Variants in TANGO6 observed in about 807,000 individuals in gnomAD.
TANGO6 encodes the protein transport and golgi organization 6 homolog, also known as transport and Golgi organization protein 6 homolog.
TANGO6 carries 90 observed loss-of-function variants against 114.2 expected under a neutral mutation model. The observed-to-expected ratio is 0.79, with a 90% CI of 0.66 to 0.94. TANGO6 has a LOEUF of 0.94. Among genes scored for constraint, TANGO6 ranks in the 40% least tolerant of loss-of-function variants. The probability of loss-of-function intolerance (pLI) is 0.00; values close to 1 mark genes in which losing one functional copy is unlikely to be tolerated. For missense variants in TANGO6, 1,274 were observed against 1,315.3 expected (o/e 0.97, Z 0.49); for synonymous variants, 477 against 509.8 (o/e 0.94, Z 0.87).
chr16:69,031,448 C>A (rs1177271398), intron 16 of TANGO6, among the ~76,000 whole-genome samples: 1 of 151,996 alleles, frequency 6.6e-6, no homozygotes, highest in Non-Finnish European at 1.5e-5. Context: ...GACCTGTAAT[C>A]TCAACACTTT....
chr16:68,943,444 A>G (rs1963377332), intron 14 of TANGO6, among the ~76,000 whole-genome samples: 1 of 150,540 alleles, frequency 6.6e-6, no homozygotes, highest in African/African-American at 2.4e-5. Flanking sequence ...GCTCCCTGCA[A>G]GCTCCGCCTC....
intron 17 of TANGO6, among the ~76,000 whole-genome samples, chr16:69,056,830 C>T (rs1960038893): frequency 6.6e-6 from 1 of 151,868 alleles, no homozygotes; most frequent in South Asian, 2.1e-4. Context: ...CAGGCGCCTG[C>T]CACCACGCCC....
chr16:68,920,408 T>G (rs976116839), intron 12 of TANGO6, among the ~76,000 whole-genome samples: 3 of 152,146 alleles, frequency 2.0e-5, no homozygotes, highest in Non-Finnish European at 2.9e-5. Flanking sequence ...GATGGAAGGC[T>G]GGTGTTAGTG....
intron 7 of TANGO6, among the ~76,000 whole-genome samples, chr16:68,899,655 A>G (rs561590736): frequency 3.3e-5 from 5 of 152,154 alleles, no homozygotes; most frequent in Non-Finnish European, 5.9e-5. Context: ...GCTGGAGGGC[A>G]GTAGCATGAT....
intron 4 of TANGO6, among the ~76,000 whole-genome samples, chr16:68,868,754 C>A (rs1052602295): frequency 6.6e-6 from 1 of 152,048 alleles, no homozygotes; most frequent in African/African-American, 2.4e-5. Flanking sequence ...ACCTCGGCCT[C>A]CCAAAGTGCT....
At chr16:69,078,357 T>A (rs1960418868) in intron 17 of TANGO6, among the ~76,000 whole-genome samples, 1 of 152,180 alleles carries the variant, frequency 6.6e-6, no homozygotes, top group African/African-American at 2.4e-5. Flanking sequence ...CTTGCTCTCT[T>A]CTTATAGCAA....
intron 17 of TANGO6, among the ~76,000 whole-genome samples, chr16:69,078,560 C>A (rs1412657580): frequency 6.6e-6 from 1 of 152,142 alleles, no homozygotes; most frequent in Non-Finnish European, 1.5e-5. Context: ...TCTCTGCTCC[C>A]TGTGACCTTT....
intron 16 of TANGO6, among the ~76,000 whole-genome samples, chr16:69,028,856 C>CAAAAAAAAA (rs397761274): frequency 1.5e-5 from 1 of 65,562 alleles, no homozygotes; most frequent in Non-Finnish European, 3.4e-5. Context: ...CCCAGTTTAA[C>CAAAAAAAAA]AAAAAAAAAA....
At chr16:69,051,936 C>T (rs1959955105) in intron 17 of TANGO6, among the ~76,000 whole-genome samples, 1 of 148,924 alleles carries the variant, frequency 6.7e-6, no homozygotes, top group African/African-American at 2.5e-5. Context: ...TCTTTTCTTT[C>T]TTTCTTTTTC....
At position 68,967,328 on chromosome 16, in the gene TANGO6, G is replaced by T. The variant is rs57584676; in HGVS notation, c.2702-6700G>T. Among the ~76,000 whole-genome samples, 983 of 152,216 alleles carry T rather than the reference G, an allele frequency of 6.5e-3. 14 individuals are homozygous for T. Among genetic ancestry groups the T allele is most frequent in the African/African-American group, 0.023 (940 of 41,524 alleles). The stretch of plus-strand genomic sequence containing the variant: ...CCTTGCATGTGCAGTTCACAATAGG[G>T]TTCACACTCCTGGGAGTATCCGTTG... On this transcript the variant is annotated intron_variant, in intron 14 of 17. Coordinates refer to ENST00000261778, the MANE Select transcript of TANGO6 (RefSeq NM_024562.2).
intron 17 of TANGO6, among the ~76,000 whole-genome samples, chr16:69,083,095 C>CTTTTT (rs1201400628): frequency 8.3e-6 from 1 of 120,262 alleles, no homozygotes; most frequent in Non-Finnish European, 1.7e-5. Context: ...GCATTATCTT[C>CTTTTT]TTTTTTTTTT....
intron 1 of TANGO6, among the ~76,000 whole-genome samples, chr16:68,848,517 T>G (rs1251956658): frequency 7.3e-6 from 1 of 136,188 alleles, no homozygotes; most frequent in Non-Finnish European, 1.5e-5. Context: ...AATACATATT[T>G]ATTGTAAAAA....
At chr16:68,929,404 G>T (rs1350799818) in intron 13 of TANGO6, among the ~76,000 whole-genome samples, 1 of 151,916 alleles carries the variant, frequency 6.6e-6, no homozygotes, top group Non-Finnish European at 1.5e-5. Context: ...CCTAAATTAA[G>T]CTTCCCTTGC....
intron 15 of TANGO6, among the ~76,000 whole-genome samples, chr16:68,996,909 A>G (rs1310483409): frequency 6.6e-6 from 1 of 152,220 alleles, no homozygotes; most frequent in African/African-American, 2.4e-5. Context: ...TTAAAATTCA[A>G]AGATACACAG....
chr16:68,963,049 G>A (rs1339746207), intron 14 of TANGO6, among the ~76,000 whole-genome samples: 4 of 147,560 alleles, frequency 2.7e-5, no homozygotes, highest in Middle Eastern at 3.3e-3. Context: ...AGCCGAGATC[G>A]CGCCACTGTA....
At position 68,957,923 on chromosome 16, in the gene TANGO6, A is replaced by G. The variant is rs2152207910; in HGVS notation, c.2702-16105A>G. Among the ~76,000 whole-genome samples, 2 of 152,218 alleles carry G rather than the reference A, an allele frequency of 1.3e-5. 1 individual carries two copies. Among genetic ancestry groups the G allele is most frequent in the Non-Finnish European group, 2.9e-5 (2 of 68,008 alleles). ...GCAGTGGCTCACACCTGTAATCCCA[A>G]CACTTTGATAGGCTGAGGAGGGTAG... On this transcript the variant is annotated intron_variant, in intron 14 of 17. Transcript: ENST00000261778.
intron 15 of TANGO6, among the ~76,000 whole-genome samples, chr16:68,998,276 C>CTGGT (rs1348052668): frequency 6.6e-6 from 1 of 152,174 alleles, no homozygotes; most frequent in African/African-American, 2.4e-5. Flanking sequence ...CCAGAGATCA[C>CTGGT]TGGTTGGTTC....
At chr16:68,992,279 A>G (rs1337748059) in intron 15 of TANGO6, among the ~76,000 whole-genome samples, 1 of 152,202 alleles carries the variant, frequency 6.6e-6, no homozygotes, top group Admixed American at 6.5e-5. Flanking sequence ...TTTCTTTAAC[A>G]GAAGTGCTAT....
intron 14 of TANGO6, among the ~76,000 whole-genome samples, chr16:68,939,145 TAAC>T (rs1258927033): frequency 1.3e-4 from 16 of 124,016 alleles, no homozygotes; most frequent in African/African-American, 4.2e-4. Flanking sequence ...ATATAAAAAA[TAAC>T]AACAATATAA....
Sources: allele counts gnomAD v4.1 joint callset (sites outside exome capture counted in the v4.1 genomes callset), GRCh38; gene constraint gnomAD v4.1.1; transcripts MANE v1.5; gene names NCBI Gene and HGNC (gene_info 2026-07-23, HGNC 2026-07-21).